The following TNPO3 variants were observed in gnomAD, a reference collection of about 807,000 sequenced individuals.
TNPO3 encodes transportin 3, also known as transportin-3.
In TNPO3, 65 loss-of-function variants were observed where a neutral mutation model predicts 122.8. The ratio of observed to expected loss-of-function variants is 0.53; its 90% CI spans 0.43 to 0.65. The LOEUF (loss-of-function observed/expected upper bound fraction) is 0.65. Among genes scored for constraint, TNPO3 ranks in the 30% least tolerant of loss-of-function variants. The pLI is 0.00. For synonymous variants in TNPO3, 372 were observed against 411.2 expected (o/e 0.90, Z 1.15); for missense variants, 850 against 1,136.7 (o/e 0.75, Z 3.63).
intron 1 of TNPO3, among the ~76,000 whole-genome samples, chr7:129,035,555 G>A (rs545927295): frequency 3.4e-4 from 51 of 152,212 alleles, no homozygotes; most frequent in African/African-American, 1.2e-3. Context: ...AGTCAAGGCC[G>A]CAGTGAGCCT....
At chr7:129,012,190 C>A (rs1563102633) in intron 4 of TNPO3, among the ~76,000 whole-genome samples, 1 of 151,308 alleles carries the variant, frequency 6.6e-6, no homozygotes, top group South Asian at 2.1e-4. Flanking sequence ...ATTTTTAGTA[C>A]AGACAGGGTT....
chr7:129,045,591 T>C (rs773435687), intron 1 of TNPO3, among the ~76,000 whole-genome samples: 7 of 150,998 alleles, frequency 4.6e-5, no homozygotes, highest in Non-Finnish European at 7.4e-5. Context: ...ATTTCCTCCA[T>C]AAACATCAGT....
At chr7:128,977,754 G>T (rs571466676) in intron 16 of TNPO3, among the ~76,000 whole-genome samples, 1 of 152,056 alleles carries the variant, frequency 6.6e-6, no homozygotes, top group East Asian at 1.9e-4. Flanking sequence ...CTGCCACTGC[G>T]CCTGGCTAAT....
At chr7:128,957,199 A>T in intron 22 of TNPO3, 25 bp downstream of exon 22, 1 of 1,604,752 alleles carries the variant, frequency 6.2e-7, no homozygotes, top group Non-Finnish European at 8.5e-7. Flanking sequence ...AGTCCGGACA[A>T]AAGCTGGGAA....
intron 21 of TNPO3, among the ~76,000 whole-genome samples, chr7:128,957,800 A>C (rs1229132810): frequency 3.9e-5 from 6 of 152,292 alleles, no homozygotes; most frequent in South Asian, 4.1e-4. Flanking sequence ...GATTTTGTTT[A>C]CAAAGGCCGG....
intron 5 of TNPO3, among the ~76,000 whole-genome samples, chr7:129,002,562 A>G (rs1213055268): frequency 6.6e-6 from 1 of 152,244 alleles, no homozygotes; most frequent in Non-Finnish European, 1.5e-5. Flanking sequence ...CAAATTATTT[A>G]TTAGGTATTC....
Position 129,044,544 on chromosome 7 carries a change from T to A in TNPO3, c.120+10107A>T, listed in dbSNP as rs143805297. Among the ~76,000 whole-genome samples, 131 of 152,306 alleles carry A rather than the reference T, an allele frequency of 8.6e-4. 1 individual carries two copies. Among genetic ancestry groups the A allele is most frequent in the Non-Finnish European group, 1.5e-3 (102 of 68,026 alleles). ...AAAATTAAATTAGTACTTTTAAGAG[T>A]ATGTACATAACAAACACTACAAAAC... is the stretch of plus-strand genomic sequence containing the variant. On this transcript the variant is annotated intron_variant, in intron 1 of 22. Coordinates refer to ENST00000265388, the MANE Select transcript of TNPO3 (RefSeq NM_012470.4).
chr7:129,007,153 A>G (rs1425589093), intron 4 of TNPO3, among the ~76,000 whole-genome samples: 5 of 152,202 alleles, frequency 3.3e-5, no homozygotes, highest in Non-Finnish European at 7.3e-5. Context: ...TAATCCCCAC[A>G]ATATGAAACA....
intron 1 of TNPO3, among the ~76,000 whole-genome samples, chr7:129,052,529 A>G (rs2150576813): frequency 6.6e-6 from 1 of 152,244 alleles, no homozygotes; most frequent in East Asian, 1.9e-4. Flanking sequence ...GACTCTGACT[A>G]TTAACTGTGA....
chr7:128,957,123 A>G (rs1048349086), intron 22 of TNPO3, 101 bp downstream of exon 22: 17 of 991,758 alleles, frequency 1.7e-5, no homozygotes, highest in African/African-American at 6.4e-5. Context: ...GACTCTAGCT[A>G]TAAGACTGGT....
At chr7:129,007,625 C>T (rs1027718745) in intron 4 of TNPO3, among the ~76,000 whole-genome samples, 3 of 152,300 alleles carry the variant, frequency 2.0e-5, no homozygotes, top group African/African-American at 7.2e-5. Context: ...AACATCAGAA[C>T]TTGATTGCTA....
At chr7:128,996,526 G>A (rs1801334046) in intron 8 of TNPO3, among the ~76,000 whole-genome samples, 1 of 151,972 alleles carries the variant, frequency 6.6e-6, no homozygotes, top group Admixed American at 6.6e-5. Context: ...GGTGGATCAT[G>A]AGGTCAGGAG....
intron 1 of TNPO3, among the ~76,000 whole-genome samples, chr7:129,027,875 T>C (rs1258522571): frequency 6.6e-6 from 1 of 152,092 alleles, no homozygotes; most frequent in East Asian, 1.9e-4. Flanking sequence ...AACTCTTGAG[T>C]TGGGACCCAG....
At chr7:129,014,650 A>G (rs1803624798) in intron 4 of TNPO3, among the ~76,000 whole-genome samples, 1 of 152,234 alleles carries the variant, frequency 6.6e-6, no homozygotes, top group Non-Finnish European at 1.5e-5. Flanking sequence ...TCCTTTATTA[A>G]CAGCCAACAG....
chr7:129,047,008 T>C (rs1290518865), intron 1 of TNPO3, among the ~76,000 whole-genome samples: 1 of 152,198 alleles, frequency 6.6e-6, no homozygotes, highest in Non-Finnish European at 1.5e-5. Flanking sequence ...CCAAGACCTT[T>C]CTGATATGAT....
chr7:129,041,842 T>C, intron 1 of TNPO3: 2 of 645,142 alleles, frequency 3.1e-6, no homozygotes, highest in Non-Finnish European at 3.9e-6. Context: ...GTGATGAATA[T>C]GAGGCAGGCT....
At chr7:128,979,899 G>T in intron 15 of TNPO3, 72 bp downstream of exon 15, 1 of 1,365,994 alleles carries the variant, frequency 7.3e-7, no homozygotes, top group Non-Finnish European at 1.0e-6. Flanking sequence ...TATCTTCTCA[G>T]GTGAGTTACC....
rs1002875466 is a variant in TNPO3 at position 128,990,293 on chromosome 7, T to C, written c.1359-193A>G. 8.8e-6 allele frequency: 6 copies of C among 685,634 alleles called. No homozygotes were observed. The East Asian group carries it at 1.6e-4, about 18-fold the overall frequency. 42.5% of individuals were successfully genotyped at this position (685,634 alleles called of 1,614,324 possible). A position where few individuals can be genotyped will look rare whatever the true frequency, so the allele number is the denominator to read the frequency against. On this transcript the variant is annotated intron_variant, in intron 10 of 22. Transcript: ENST00000265388. ...GAGGAAAAGATAGAAATGAAAGATA[T>C]TGTTTCAGGAAAAGCATACTGCTCC... is the stretch of plus-strand genomic sequence containing the variant.
intron 11 of TNPO3, among the ~76,000 whole-genome samples, chr7:128,987,831 A>G (rs2150342416): frequency 6.6e-6 from 1 of 152,188 alleles, no homozygotes; most frequent in Middle Eastern, 3.4e-3. Context: ...CGCCTACCTC[A>G]GCCTCCCAAA....
Sources: gnomAD v4.1 joint callset for allele counts (sites outside exome capture counted in the v4.1 genomes callset) on GRCh38, gnomAD v4.1.1 for gene constraint, MANE v1.5 for transcripts, NCBI Gene and HGNC (gene_info 2026-07-23, HGNC 2026-07-21) for gene names.